CCNY: variants seen among roughly 807,000 people sequenced by gnomAD.
CCNY encodes cyclin Y.
In CCNY, 19 loss-of-function variants were observed where a neutral mutation model predicts 42.8. That is an observed-to-expected ratio of 0.44 (90% confidence interval 0.31 to 0.65). CCNY has a LOEUF of 0.65. Ranked by LOEUF, CCNY falls within the 30% of genes least tolerant of loss-of-function variation. The pLI, the probability that CCNY is intolerant of heterozygous loss-of-function variation, is 0.07. For synonymous variants in CCNY, 165 were observed against 162.7 expected, an observed-to-expected ratio of 1.01 and a Z score of -0.11; for missense variants, 370 against 437.3, an observed-to-expected ratio of 0.85 and a Z score of 1.37.
intron 1 of CCNY, among the ~76,000 whole-genome samples, chr10:35,414,223 C>CA (rs1416805363): frequency 2.0e-5 from 3 of 152,192 alleles, no homozygotes; most frequent in African/African-American, 7.2e-5. Context: ...GACGAGGCTG[C>CA]AGTCAAGATA....
intron 1 of CCNY, among the ~76,000 whole-genome samples, chr10:35,430,336 CAAAAAA>C (rs397954370): frequency 2.0e-4 from 11 of 55,592 alleles, no homozygotes; most frequent in African/African-American, 2.4e-4. Context: ...GACTCCGTCT[CAAAAAA>C]AAAAAAAAAA....
At chr10:35,423,645 T>A (rs886814117) in intron 1 of CCNY, among the ~76,000 whole-genome samples, 1 of 152,078 alleles carries the variant, frequency 6.6e-6, no homozygotes, top group Admixed American at 6.5e-5. Flanking sequence ...CTCAGTTTGG[T>A]TTCAGTAACT....
intron 3 of CCNY, among the ~76,000 whole-genome samples, chr10:35,272,818 T>C (rs1341906280): frequency 1.3e-5 from 2 of 152,218 alleles, no homozygotes; most frequent in East Asian, 3.8e-4. Flanking sequence ...ATGGTGGTTC[T>C]GTTTTTAGGT....
intron 3 of CCNY, among the ~76,000 whole-genome samples, chr10:35,506,170 A>T (rs1042207124): frequency 2.0e-5 from 3 of 152,260 alleles, no homozygotes; most frequent in African/African-American, 7.2e-5. Flanking sequence ...AAGAAGACTA[A>T]GTTTTTAAAA....
At chr10:35,432,644 C>T (rs1280173406) in intron 1 of CCNY, among the ~76,000 whole-genome samples, 1 of 152,170 alleles carries the variant, frequency 6.6e-6, no homozygotes, top group African/African-American at 2.4e-5. Flanking sequence ...ACAATCTGTT[C>T]CTTCCACTGA....
intron 7 of CCNY, among the ~76,000 whole-genome samples, chr10:35,533,905 A>G (rs750857321): frequency 6.6e-6 from 1 of 152,168 alleles, no homozygotes; most frequent in African/African-American, 2.4e-5. Flanking sequence ...ATAACTGCCT[A>G]CTGGCTGAAG....
At chr10:35,407,096 G>A (rs986431379) in intron 1 of CCNY, among the ~76,000 whole-genome samples, 1 of 152,150 alleles carries the variant, frequency 6.6e-6, no homozygotes, top group Non-Finnish European at 1.5e-5. Flanking sequence ...AACTGATTTG[G>A]GAGAGGTCAG....
At chr10:35,326,817 G>C (rs1285830624) in intron 3 of CCNY, among the ~76,000 whole-genome samples, 1 of 152,144 alleles carries the variant, frequency 6.6e-6, no homozygotes, top group Non-Finnish European at 1.5e-5. Flanking sequence ...GGAACCCAGG[G>C]GTTGGAGGCT....
At chr10:35,462,097 G>A (rs1317003340) in intron 1 of CCNY, among the ~76,000 whole-genome samples, 1 of 152,102 alleles carries the variant, frequency 6.6e-6, no homozygotes, top group Non-Finnish European at 1.5e-5. Context: ...GTCTTTACAT[G>A]TCAGCCATAA....
intron 1 of CCNY, among the ~76,000 whole-genome samples, chr10:35,435,999 G>A (rs956469767): frequency 4.6e-5 from 7 of 152,142 alleles, no homozygotes; most frequent in South Asian, 2.1e-4. Flanking sequence ...AAGGAAGTTC[G>A]GTTATGAAAG....
chr10:35,541,614 G>A (rs879719512), intron 7 of CCNY, among the ~76,000 whole-genome samples: 34 of 152,148 alleles, frequency 2.2e-4, no homozygotes, highest in African/African-American at 7.2e-4. Context: ...TGCCCAGGCC[G>A]GCTTTGAACT....
At chr10:35,379,597 C>T (rs975497618) in intron 1 of CCNY, among the ~76,000 whole-genome samples, 4 of 152,220 alleles carry the variant, frequency 2.6e-5, no homozygotes, top group Non-Finnish European at 5.9e-5. Flanking sequence ...CACAGCTCTG[C>T]ATATCCTGGA....
chr10:35,532,589 A>T lies in CCNY; in HGVS notation c.579+2346A>T, dbSNP rs142290642. 7.3e-3 allele frequency among the ~76,000 whole-genome samples: 1,106 copies of T among 152,344 alleles called. 15 individuals are homozygous for T. The highest frequency in any genetic ancestry group is 0.025 in the African/African-American group (1,049 of 41,574). On this transcript the variant is annotated intron_variant, in intron 7 of 9. Coordinates refer to ENST00000374704, the MANE Select transcript of CCNY (RefSeq NM_145012.6). ...CCTAGAATATGCTGAAAGCTCTCCT[A>T]TGGATACTGCCACATGAGGAAATTT...
At position 35,439,203 on chromosome 10, in the gene CCNY, C is replaced by T. The variant is rs115548008; in HGVS notation, c.155-44201C>T. On this transcript the variant is annotated intron_variant, in intron 1 of 9. Coordinates refer to ENST00000374704, the MANE Select transcript of CCNY (RefSeq NM_145012.6). ...CTTCATATACTTTCCAAGCCCTGCC[C>T]GCTGTCTTTTCTCCCTTGGTACTCT... 6.8e-3 allele frequency among the ~76,000 whole-genome samples: 1,038 copies of T among 152,268 alleles called. 11 individuals carry two copies. The highest frequency in any genetic ancestry group is 0.024 in the African/African-American group (987 of 41,540).
rs1840736090 is a variant in CCNY at position 35,530,180 on chromosome 10, C to T, written c.516C>T (p.Tyr172=). 2.5e-6 allele frequency: 4 copies of T among 1,614,232 alleles called. No individual in the cohort carries two copies. The highest frequency in any genetic ancestry group is 1.6e-4 in the Middle Eastern group (1 of 6,062). The change falls in exon 7 of 10, where the codon TAC becomes TAT. Residue 172 remains tyrosine (Y), a synonymous_variant. Transcript: ENST00000374704. This position sits in a 1 kb window ranked among gnomAD's most constrained non-coding sequence, Gnocchi z 4.3. The stretch of plus-strand genomic sequence containing the variant: ...ACAACCCAGAGCAGAAGCAGATTTA[C>T]CGGTTCGTTCGGACACTGTTCAGTG... ...DKHNPEQKQI[Y]RFVRTLFSAA...
intron 1 of CCNY, among the ~76,000 whole-genome samples, chr10:35,468,632 A>G (rs528139371): frequency 1.3e-5 from 2 of 152,134 alleles, no homozygotes; most frequent in Admixed American, 1.3e-4. Context: ...CTCAAGAGTC[A>G]TGAGACTATT....
intron 5 of CCNY, among the ~76,000 whole-genome samples, chr10:35,527,631 T>G (rs571125727): frequency 6.6e-6 from 1 of 152,304 alleles, no homozygotes; most frequent in African/African-American, 2.4e-5. Flanking sequence ...AATCTACCAC[T>G]CAGACCATTA....
intron 3 of CCNY, among the ~76,000 whole-genome samples, chr10:35,279,187 C>T (rs1835272702): frequency 6.9e-6 from 1 of 144,044 alleles, no homozygotes; most frequent in Admixed American, 7.2e-5. Flanking sequence ...ACAATTTTGG[C>T]TCATTGCAAC....
At chr10:35,449,599 G>T (rs113507428) in intron 1 of CCNY, among the ~76,000 whole-genome samples, 1 of 151,908 alleles carries the variant, frequency 6.6e-6, no homozygotes, top group Non-Finnish European at 1.5e-5. Context: ...ATTACTACGC[G>T]TGCCTGTGCT....
Sources: allele counts gnomAD v4.1 joint callset (sites outside exome capture counted in the v4.1 genomes callset), GRCh38; gene constraint gnomAD v4.1.1; non-coding constraint Gnocchi (gnomAD v3.1); transcripts MANE v1.5; gene names NCBI Gene and HGNC (gene_info 2026-07-23, HGNC 2026-07-21).